The following INO80E variants were observed in gnomAD, a reference collection of about 807,000 sequenced individuals.
INO80E encodes the protein INO80 complex subunit E.
A neutral mutation model predicts 27.3 loss-of-function variants in INO80E; 20 were observed. The ratio of observed to expected loss-of-function variants is 0.73; its 90% CI spans 0.51 to 1.06. INO80E has a LOEUF of 1.06. INO80E is among the 50% of genes least tolerant of loss of function. INO80E has a pLI of 0.00. For synonymous variants in INO80E, 167 were observed against 145.9 expected, an observed-to-expected ratio of 1.14 and a Z score of -1.04; for missense variants, 357 against 322.8, an observed-to-expected ratio of 1.11 and a Z score of -0.81.
Position 30,005,504 on chromosome 16 carries a change from C to A in INO80E, c.*62C>A. The A allele has an allele frequency of 6.9e-7, 1 of 1,453,914 alleles. No homozygotes were observed. The highest frequency in any genetic ancestry group is 9.4e-7 in the Non-Finnish European group (1 of 1,061,740). The allele number at this position is 1,453,914 out of a possible 1,614,324, so 90.1% of individuals were successfully genotyped here. A position where few individuals can be genotyped will look rare whatever the true frequency, so the allele number is the denominator to read the frequency against. On this transcript the variant is annotated 3_prime_UTR_variant, in exon 7 of 7. Transcript: ENST00000563197. ...GGCGCCCTCCCCGTGCCAGCACACA[C>A]GAGTCCAGCTTCCTCGGAGGTGTTT... is the stretch of plus-strand genomic sequence containing the variant.
chr16:29,999,219 G>A (rs2070256212), intron 3 of INO80E: 1 of 152,236 alleles, frequency 6.6e-6, no homozygotes, highest in South Asian at 2.1e-4. Context: ...GTCATAGTAG[G>A]AGATTTGGCT....
At chr16:29,999,589 T>TAAATG (rs1340761365) in intron 3 of INO80E, 27 of 152,340 alleles carry the variant, frequency 1.8e-4, no homozygotes, top group African/African-American at 6.0e-4. Context: ...GCAGAGACAT[T>TAAATG]GGTAACGGCT....
In INO80E at chr16:30,005,412, C is replaced by T. The variant is rs369365679; in HGVS notation, c.705C>T (p.Asp235=). The stretch of plus-strand genomic sequence containing the variant: ...GCGGGGACGATGCCTTGGATGGAGA[C>T]GATGACCTGGTGATCGACATCCCGG... ...AGSGDDALDG[D]DDLVIDIPE is the part of the protein sequence containing the mutation. Residue 235 remains aspartate, a synonymous_variant, in exon 7 of 7, where the codon GAC becomes GAT. Coordinates refer to ENST00000563197, the MANE Select transcript of INO80E (RefSeq NM_173618.3). 42 of 1,600,016 alleles carry T rather than the reference C, an allele frequency of 2.6e-5. No individual in the cohort carries two copies. Among genetic ancestry groups the T allele is most frequent in the African/African-American group, 8.2e-5 (6 of 73,552 alleles).
At chr16:29,998,349 C>T (rs1251500524) in intron 3 of INO80E, among the ~76,000 whole-genome samples, 1 of 151,234 alleles carries the variant, frequency 6.6e-6, no homozygotes, top group East Asian at 1.9e-4. Flanking sequence ...GCTGTCCCGG[C>T]AGAATAATAT....
intron 3 of INO80E, among the ~76,000 whole-genome samples, chr16:29,999,989 A>G (rs1248934313): frequency 2.0e-5 from 3 of 151,986 alleles, no homozygotes; most frequent in African/African-American, 7.3e-5. Flanking sequence ...GGTTATGGGG[A>G]GTGGGGCAGA....
intron 6 of INO80E, 145 bp downstream of exon 6, chr16:30,001,675 A>C: frequency 1.4e-6 from 1 of 738,802 alleles, no homozygotes; most frequent in South Asian, 1.9e-5. Context: ...GGTGGATCAC[A>C]GAAGTCTCGG....
At chr16:30,000,205 AC>A (rs2070294419) in intron 3 of INO80E, among the ~76,000 whole-genome samples, 1 of 151,264 alleles carries the variant, frequency 6.6e-6, no homozygotes, top group African/African-American at 2.4e-5. Context: ...AGAGCCTGGC[AC>A]CCTGGCCATG....
chr16:29,996,894 TG>T, intron 3 of INO80E, 34 bp downstream of exon 3: 2 of 1,605,884 alleles, frequency 1.2e-6, no homozygotes, highest in Non-Finnish European at 1.7e-6. Context: ...GTGGAGAGCA[TG>T]GTTCCTGGTA....
intron 3 of INO80E, among the ~76,000 whole-genome samples, chr16:29,999,939 G>A (rs1171849851): frequency 6.6e-6 from 1 of 152,118 alleles, no homozygotes; most frequent in African/African-American, 2.4e-5. Flanking sequence ...GGGAGCAGTG[G>A]ATGAAGGGGA....
intron 3 of INO80E, among the ~76,000 whole-genome samples, chr16:29,998,023 T>C (rs371126292): frequency 3.0e-4 from 46 of 151,590 alleles, no homozygotes; most frequent in African/African-American, 1.1e-3. Context: ...AAGGCTGCAG[T>C]GAGCCATGAT....
intron 5 of INO80E, 144 bp downstream of exon 5, chr16:30,001,184 C>T (rs1459663659): frequency 2.7e-6 from 4 of 1,472,680 alleles, no homozygotes; most frequent in African/African-American, 1.4e-5. Context: ...GGGTGTGAGT[C>T]GGGGCTGCCC....
chr16:29,996,995 C>A, intron 3 of INO80E, 135 bp downstream of exon 3: 1 of 784,982 alleles, frequency 1.3e-6, no homozygotes. Flanking sequence ...TGCCTTCCAC[C>A]TCCACCGTTC....
Position 30,000,832 on chromosome 16 carries a change from A to G in INO80E, c.280A>G (p.Lys94Glu), listed in dbSNP as rs376939544. The G allele has an allele frequency of 2.7e-5, 44 of 1,613,896 alleles. No homozygotes were observed. Among genetic ancestry groups the G allele is most frequent in the East Asian group, 2.5e-4 (11 of 44,888 alleles). ...TPKLSDTPAP[K>E]RKRSPPLGGA... The stretch of plus-strand genomic sequence containing the variant: ...CAAGTTGTCTGACACACCGGCCCCT[A>G]AGAGGTGAGAAGAAGATGCATTCCT... The change falls in exon 4 of 7, where the codon AAG becomes GAG. Residue 94 changes from lysine (K) to glutamate (E), a missense_variant. Coordinates refer to ENST00000563197, the MANE Select transcript of INO80E (RefSeq NM_173618.3).
rs1164661999 is a variant in INO80E, at chr16:30,005,269, C to T, written c.562C>T (p.Pro188Ser). The T allele has an allele frequency of 2.0e-6, 3 of 1,486,806 alleles. No individual in the cohort carries two copies. The highest frequency in any genetic ancestry group is 2.7e-6 in the Non-Finnish European group (3 of 1,121,884). 92.1% of individuals were successfully genotyped at this position (1,486,806 alleles called of 1,614,324 possible). ...CCCTGTGGGAGGGCCGCTGACCTTCCCTGGCCGGGGTTCTGGGGCTGGGGT... is the reference window on the plus strand; with the variant it reads ...CCCTGTGGGAGGGCCGCTGACCTTCTCTGGCCGGGGTTCTGGGGCTGGGGT... ...DCPVGGPLTF[P>S]GRGSGAGVGT... is the part of the protein sequence containing the mutation. Residue 188 changes from proline (P) to serine (S), a missense_variant, in exon 7 of 7, where the codon CCT becomes TCT. Physicochemically the swap from Pro to Ser is moderately conservative, Grantham distance 74 (BLOSUM62 -1). Coordinates refer to ENST00000563197, the MANE Select transcript of INO80E (RefSeq NM_173618.3).
At chr16:29,996,997 C>T (rs577442220) in intron 3 of INO80E, 137 bp downstream of exon 3, 1 of 785,788 alleles carries the variant, frequency 1.3e-6, no homozygotes, top group Non-Finnish European at 2.2e-6. Flanking sequence ...CCTTCCACCT[C>T]CACCGTTCTT....
intron 2 of INO80E, 38 bp from the exon 3 acceptor site, chr16:29,996,770 T>C (rs1176757389): frequency 6.2e-7 from 1 of 1,611,480 alleles, no homozygotes; most frequent in Non-Finnish European, 8.5e-7. Flanking sequence ...ATTGCTGCGC[T>C]GGAAAATCAC....
At position 30,000,823 on chromosome 16, in the gene INO80E, C is replaced by CCGG; in HGVS notation, c.273_275dup (p.Ala92dup). ...GGGGACACCCAAGTTGTCTGACACACCGGCCCCTAAGAGGTGAGAAGAAGA... is the reference window on the plus strand; with the variant it reads ...GGGGACACCCAAGTTGTCTGACACACCGGCGGCCCCTAAGAGGTGAGAAGAAGA... On this transcript the variant is annotated inframe_insertion, in exon 4 of 7. Coordinates refer to ENST00000563197, the MANE Select transcript of INO80E (RefSeq NM_173618.3). The CCGG allele has an allele frequency of 6.2e-7, 1 of 1,614,154 alleles. No homozygotes were observed. Among genetic ancestry groups the CCGG allele is most frequent in the Non-Finnish European group, 8.5e-7 (1 of 1,179,982 alleles).
At chr16:30,004,966 C>T (rs2070503024) in intron 6 of INO80E, among the ~76,000 whole-genome samples, 1 of 152,154 alleles carries the variant, frequency 6.6e-6, no homozygotes, top group South Asian at 2.1e-4. Flanking sequence ...GGCAGGTGCC[C>T]GGGCCTTTCC....
chr16:29,996,963 G>C, intron 3 of INO80E, 103 bp downstream of exon 3: 5 of 1,108,418 alleles, frequency 4.5e-6, no homozygotes, highest in Non-Finnish European at 6.9e-6. Context: ...GCAGCCCCCA[G>C]TGGTCCTTAA....
Sources: gnomAD v4.1 joint callset for allele counts (sites outside exome capture counted in the v4.1 genomes callset) on GRCh38, gnomAD v4.1.1 for gene constraint, MANE v1.5 for transcripts, NCBI Gene and HGNC (gene_info 2026-07-23, HGNC 2026-07-21) for gene names.